Variants in PHEX observed in about 807,000 individuals in gnomAD.
The protein encoded by PHEX is phosphate-regulating neutral endopeptidase PHEX.
In PHEX, 16 loss-of-function variants were observed where a neutral mutation model predicts 68.0. That is an observed-to-expected ratio of 0.24 (90% CI 0.16 to 0.36). The LOEUF (loss-of-function observed/expected upper bound fraction) is 0.36. Ranked by LOEUF, PHEX falls within the 10% of genes least tolerant of loss-of-function variation. PHEX has a pLI of 1.00. For synonymous variants in PHEX, 208 were observed against 205.1 expected (o/e 1.01, Z -0.12); for missense variants, 480 against 575.5 (o/e 0.83, Z 1.70).
At chrX:22,208,312 G>C (rs1340309112) in intron 15 of PHEX, among the ~76,000 whole-genome samples, 1 of 111,619 alleles carries the variant, frequency 9.0e-6, no homozygotes, top group East Asian at 2.8e-4. Context: ...TGGTAGGATA[G>C]TTATGTAAGA....
chrX:22,104,467 G>C (rs1008797199), intron 9 of PHEX, among the ~76,000 whole-genome samples: 1 of 111,078 alleles, frequency 9.0e-6, no homozygotes, highest in Non-Finnish European at 1.9e-5. Flanking sequence ...GGGGTAAGGA[G>C]GTAGTGATGA....
chrX:22,134,519 G>C (rs950459077), intron 12 of PHEX, among the ~76,000 whole-genome samples: 2 of 112,451 alleles, frequency 1.8e-5, no homozygotes, highest in African/African-American at 6.5e-5. Context: ...CTTGAGCCTG[G>C]GAGGCGGAGG....
rs1936446602 is a variant in PHEX at position 22,248,124 on chromosome X, G to A, written c.*171G>A. ...AGACAGCATCTGTTCAAAGTTGTAG[G>A]GCTTATAAAGTGGAATATAAGAATG... On this transcript the variant is annotated 3_prime_UTR_variant, in exon 22 of 22. Coordinates refer to ENST00000379374, the MANE Select transcript of PHEX (RefSeq NM_000444.6). 6.7e-6 allele frequency: 3 copies of A among 447,338 alleles called. No homozygotes were observed. The East Asian group carries it at 1.1e-4, about 17-fold the overall frequency. 36.9% of individuals were successfully genotyped at this position (447,338 alleles called of 1,213,427 possible). A position where few individuals can be genotyped will look rare whatever the true frequency, so the allele number is the denominator to read the frequency against.
At chrX:22,199,277 A>C (rs1048322832) in intron 15 of PHEX, among the ~76,000 whole-genome samples, 2 of 111,484 alleles carry the variant, frequency 1.8e-5, no homozygotes, top group Non-Finnish European at 1.9e-5. Flanking sequence ...GCCTAAACTT[A>C]GGCAATGACA....
chrX:22,192,946 C>A (rs1934249900), intron 15 of PHEX, among the ~76,000 whole-genome samples: 1 of 110,727 alleles, frequency 9.0e-6, no homozygotes, highest in Admixed American at 9.7e-5. Flanking sequence ...GAGAAATGAA[C>A]AGAAAGACGA....
At chrX:22,228,924 C>G (rs943966966) in intron 20 of PHEX, among the ~76,000 whole-genome samples, 22 of 111,170 alleles carry the variant, frequency 2.0e-4, no homozygotes, top group African/African-American at 6.9e-4. Flanking sequence ...ATGTTCCCCT[C>G]TCTGTGTCTA....
intron 12 of PHEX, among the ~76,000 whole-genome samples, chrX:22,140,375 TGACTCCACATCTGTCCCCAGG>T (rs1932405606): frequency 8.9e-6 from 1 of 111,980 alleles, no homozygotes; most frequent in Non-Finnish European, 1.9e-5. Context: ...TTCTGCTCCT[TGACTCCACATCTGTCCCCAGG>T]AACTACCCAG....
chrX:22,155,644 T>C (rs1346607810), intron 12 of PHEX, among the ~76,000 whole-genome samples: 1 of 112,514 alleles, frequency 8.9e-6, no homozygotes, highest in East Asian at 2.7e-4. Context: ...TTTTGGTTAA[T>C]ATTTCTATAC....
chrX:22,197,545 G>A (rs888826118), intron 15 of PHEX, among the ~76,000 whole-genome samples: 16 of 110,919 alleles, frequency 1.4e-4, no homozygotes, highest in Non-Finnish European at 2.6e-4. Context: ...ATGTGAGTGC[G>A]CCATCTTGGA....
At chrX:22,066,656 C>T (rs1206272619) in intron 3 of PHEX, among the ~76,000 whole-genome samples, 1 of 111,741 alleles carries the variant, frequency 8.9e-6, no homozygotes, top group Non-Finnish European at 1.9e-5. Flanking sequence ...AAGCCTTACC[C>T]CTAATCACTC....
chrX:22,147,936 G>C (rs1177668147), intron 12 of PHEX, among the ~76,000 whole-genome samples: 1 of 106,341 alleles, frequency 9.4e-6, no homozygotes, highest in Non-Finnish European at 1.9e-5. Context: ...TTCTGGATCA[G>C]TGAAAGGCCC....
intron 9 of PHEX, 26 bp from the exon 10 acceptor site, chrX:22,111,441 A>G: frequency 9.1e-7 from 1 of 1,101,624 alleles, no homozygotes; most frequent in Non-Finnish European, 1.3e-6. Flanking sequence ...AAAATACAAT[A>G]AATGGGCATC....
chrX:22,043,101 G>A (rs1422557884), intron 2 of PHEX, among the ~76,000 whole-genome samples: 2 of 112,716 alleles, frequency 1.8e-5, no homozygotes, highest in African/African-American at 3.2e-5. Flanking sequence ...TACATGATCT[G>A]TGGTTATATG....
At chrX:22,167,445 G>C (rs771335560) in intron 12 of PHEX, among the ~76,000 whole-genome samples, 29 of 106,273 alleles carry the variant, frequency 2.7e-4, no homozygotes, top group South Asian at 8.2e-4. Flanking sequence ...GTCTTCTTTT[G>C]AGAAATGTAT....
Position 22,249,451 on chromosome X carries a change from A to ATATATATATATATATATAT in PHEX, c.*1498_*1499insTATATATATATATATATAT, listed in dbSNP as rs1247898023. 3.5e-5 allele frequency: 1 copy of ATATATATATATATATATAT among 28,519 alleles called. No homozygotes were observed. Among genetic ancestry groups the ATATATATATATATATATAT allele is most frequent in the African/African-American group, 2.1e-4 (1 of 4,813 alleles). 2.4% of individuals were successfully genotyped at this position (28,519 alleles called of 1,213,427 possible). The stretch of plus-strand genomic sequence containing the variant: ...TGATTTGTGATTCTTTTAAAAAAAA[A>ATATATATATATATATATAT]AAAAATATATATATATATATATATA... On this transcript the variant is annotated 3_prime_UTR_variant, in exon 22 of 22. Transcript: ENST00000379374.
chrX:22,246,319 G>A (rs866423746), intron 21 of PHEX, among the ~76,000 whole-genome samples: 30 of 111,571 alleles, frequency 2.7e-4, no homozygotes, highest in African/African-American at 9.4e-4. Flanking sequence ...CATTATATCT[G>A]GATATCTTTA....
At chrX:22,098,865 T>G in intron 8 of PHEX, 141 bp from the exon 9 acceptor site, 1 of 532,799 alleles carries the variant, frequency 1.9e-6, no homozygotes, top group Admixed American at 2.5e-5. Context: ...GGAGTTTATT[T>G]TCTAGACTTG....
At chrX:22,041,497 T>G (rs2146982847) in intron 2 of PHEX, among the ~76,000 whole-genome samples, 1 of 108,536 alleles carries the variant, frequency 9.2e-6, no homozygotes, top group African/African-American at 3.4e-5. Flanking sequence ...CTGGCTCCTT[T>G]CCGTCTTTTC....
chrX:22,195,492 G>A (rs1480129030), intron 15 of PHEX, among the ~76,000 whole-genome samples: 5 of 110,077 alleles, frequency 4.5e-5, no homozygotes, highest in African/African-American at 6.6e-5. Flanking sequence ...CTGCTCGGGA[G>A]GCTGAGGCAG....
Sources: gnomAD v4.1 joint callset for allele counts (sites outside exome capture counted in the v4.1 genomes callset) on GRCh38, gnomAD v4.1.1 for gene constraint, MANE v1.5 for transcripts, NCBI Gene and HGNC (gene_info 2026-07-23, HGNC 2026-07-21) for gene names.